Variants in JAK1 observed in about 807,000 individuals in gnomAD.
JAK1 encodes tyrosine-protein kinase JAK1.
A neutral mutation model predicts 136.6 loss-of-function variants in JAK1; 16 were observed. The observed-to-expected ratio is 0.12, with a 90% CI of 0.08 to 0.18. The LOEUF (loss-of-function observed/expected upper bound fraction) is 0.18, where lower values mean the gene tolerates loss of function less well. JAK1 is among the 10% of genes least tolerant of loss of function. The pLI, the probability that JAK1 is intolerant of heterozygous loss-of-function variation, is 1.00. For synonymous variants in JAK1, 492 were observed against 519.5 expected (o/e 0.95, Z 0.72); for missense variants, 859 against 1,450.1 (o/e 0.59, Z 6.62).
intron 2 of JAK1, among the ~76,000 whole-genome samples, chr1:64,978,686 A>G (rs931733862): frequency 6.6e-6 from 1 of 152,178 alleles, no homozygotes; most frequent in Non-Finnish European, 1.5e-5. Context: ...GGGCTGACTT[A>G]CTAGCCGTAA....
intron 2 of JAK1, among the ~76,000 whole-genome samples, chr1:64,999,993 G>GTTTT (rs370410704): frequency 7.1e-6 from 1 of 141,586 alleles, no homozygotes; most frequent in African/African-American, 2.6e-5. Context: ...AGAATCATAA[G>GTTTT]TTTTTTTTTT....
intron 2 of JAK1, among the ~76,000 whole-genome samples, chr1:65,031,423 T>C (rs532394061): frequency 6.8e-4 from 103 of 152,238 alleles, no homozygotes; most frequent in African/African-American, 2.0e-3. Context: ...CCCTGTACTT[T>C]TTAAAAAATT....
intron 1 of JAK1, among the ~76,000 whole-genome samples, chr1:64,945,481 G>A (rs889654498): frequency 3.3e-5 from 5 of 151,930 alleles, no homozygotes; most frequent in South Asian, 2.1e-4. Flanking sequence ...CTATTCACAC[G>A]AGAAAATACT....
At chr1:65,018,868 G>A (rs1280902552) in intron 2 of JAK1, among the ~76,000 whole-genome samples, 4 of 152,052 alleles carry the variant, frequency 2.6e-5, no homozygotes, top group Admixed American at 1.3e-4. Flanking sequence ...AAAATTAGCC[G>A]GGCGTGGTGG....
At position 64,838,580 on chromosome 1, in the gene JAK1, C is replaced by T. The variant is rs1448823015; in HGVS notation, c.2852G>A (p.Gly951Asp). The T allele has an allele frequency of 1.2e-6, 2 of 1,613,608 alleles. No homozygotes were observed. The highest frequency in any genetic ancestry group is 2.7e-5 in the African/African-American group (2 of 74,912). Residue 951 changes from glycine to aspartate, a missense_variant, in exon 21 of 25, where the codon GGT (glycine) becomes GAT (aspartate). Gly to Asp is a moderately conservative substitution (Grantham distance 94, BLOSUM62 -1). Coordinates refer to ENST00000342505, the MANE Select transcript of JAK1 (RefSeq NM_002227.4). Reference sequence around the variant, plus strand: ...CAGAAATTCCATGATGAGCTTAATACCATTTCCTCCTGTTTAGAAAAAACA... The same window carrying T: ...CAGAAATTCCATGATGAGCTTAATATCATTTCCTCCTGTTTAGAAAAAACA... The part of the protein sequence containing the change: ...KGICTEDGGN[G>D]IKLIMEFLPS...
intron 2 of JAK1, among the ~76,000 whole-genome samples, chr1:65,008,057 T>C (rs978128657): frequency 3.3e-5 from 5 of 152,230 alleles, no homozygotes; most frequent in Admixed American, 2.6e-4. Flanking sequence ...TTATTTCTTA[T>C]TTCTAAGTTC....
chr1:64,977,620 C>G (rs777825315), intron 2 of JAK1, among the ~76,000 whole-genome samples: 5 of 151,848 alleles, frequency 3.3e-5, no homozygotes, highest in Non-Finnish European at 5.9e-5. Flanking sequence ...TTAATAGAGA[C>G]GGGGGTTTCA....
upstream of JAK1, among the ~76,000 whole-genome samples, chr1:64,970,090 G>A (rs1225193460): frequency 7.9e-6 from 1 of 126,718 alleles, no homozygotes; most frequent in African/African-American, 3.0e-5. Context: ...AGCTAGTATG[G>A]TGCCACTGCA....
intron 2 of JAK1, among the ~76,000 whole-genome samples, chr1:64,972,028 C>CA (rs1009685085): frequency 2.3e-4 from 34 of 150,464 alleles, no homozygotes; most frequent in African/African-American, 7.1e-4. Context: ...GACCTTGTCT[C>CA]AAAAAAAAGA....
intron 1 of JAK1, among the ~76,000 whole-genome samples, chr1:65,055,094 C>A (rs1319517963): frequency 2.0e-5 from 3 of 152,084 alleles, no homozygotes; most frequent in Non-Finnish European, 4.4e-5. Flanking sequence ...TGTGCAACTG[C>A]CATCATCCAT....
intron 2 of JAK1, chr1:64,985,594 C>T: frequency 1.0e-6 from 1 of 976,594 alleles, no homozygotes; most frequent in Non-Finnish European, 1.6e-6. Flanking sequence ...ATCTGGGCCA[C>T]CAGAATTCCA....
At chr1:64,884,005 C>G (rs1382258197) in intron 2 of JAK1, among the ~76,000 whole-genome samples, 1 of 152,106 alleles carries the variant, frequency 6.6e-6, no homozygotes, top group East Asian at 1.9e-4. Context: ...TTCACATCCC[C>G]ACCTGAGACA....
rs146280275 is a variant in JAK1, at chr1:64,986,209, G to T, written c.-78+58271C>A. On this transcript the variant is annotated intron_variant, in intron 2 of 25. Transcript: ENST00000671954. ...CAACCTCTGCCTCCCGGGTTCAGGCGATTCTCCTGCCTCAGCCTCCCAAAT... is the reference window on the plus strand; with the variant it reads ...CAACCTCTGCCTCCCGGGTTCAGGCTATTCTCCTGCCTCAGCCTCCCAAAT... The T allele has an allele frequency of 8.1e-6, 3 of 370,812 alleles. No homozygotes were observed. In the Admixed American group the frequency reaches 1.1e-4, roughly 14 times the overall value. 23.0% of individuals were successfully genotyped at this position (370,812 alleles called of 1,614,324 possible).
At chr1:65,066,438 G>A (rs1464734303) in intron 1 of JAK1, among the ~76,000 whole-genome samples, 1 of 152,154 alleles carries the variant, frequency 6.6e-6, no homozygotes, top group Non-Finnish European at 1.5e-5. Context: ...CCGGGGAGAA[G>A]CGGGAAAACA....
Position 64,864,976 on chromosome 1 carries a change from A to G in JAK1, c.991-4T>C, listed in dbSNP as rs140703760. On this transcript the variant is annotated splice_region_variant and splice_polypyrimidine_tract_variant and intron_variant, in intron 7 of 24. Transcript: ENST00000342505. ...TTTCCTTTTCAACAGAAACAACCTG[A>G]TAAGATACATAAAAGGGACAGGGTT... 740 of 1,606,606 alleles carry G rather than the reference A, an allele frequency of 4.6e-4. 9 individuals are homozygous for G. The Admixed American group carries it at 9.8e-3, about 21-fold the overall frequency.
chr1:64,893,108 T>A, intron 1 of JAK1, among the ~76,000 whole-genome samples: 1 of 150,488 alleles, frequency 6.6e-6, no homozygotes, highest in Admixed American at 6.6e-5. Flanking sequence ...TGGAGAAGAC[T>A]GAAAAAGAGA....
intron 1 of JAK1, chr1:64,942,224 T>C (rs542254281): frequency 1.3e-5 from 2 of 152,278 alleles, no homozygotes; most frequent in South Asian, 2.1e-4. Flanking sequence ...GATATACATA[T>C]ACTTCGTGTG....
intron 2 of JAK1, among the ~76,000 whole-genome samples, chr1:64,999,832 G>A (rs1410509156): frequency 1.3e-5 from 2 of 151,758 alleles, no homozygotes; most frequent in African/African-American, 2.4e-5. Flanking sequence ...AGTATCTACG[G>A]CACCTTGAAC....
Position 64,834,098 on chromosome 1 carries a change from A to G in JAK1, c.*464T>C, listed in dbSNP as rs1654316443. On this transcript the variant is annotated 3_prime_UTR_variant, in exon 25 of 25. Coordinates refer to ENST00000342505, the MANE Select transcript of JAK1 (RefSeq NM_002227.4). ...TGGTCTAGTACTGTATAGATACTGA[A>G]ATTTGAGGGCTAAGTCCATCAATCT... 2 of 245,356 alleles carry G rather than the reference A, an allele frequency of 8.2e-6. No individual in the cohort carries two copies. The highest frequency in any genetic ancestry group is 2.8e-4 in the South Asian group (2 of 7,076). The allele number at this position is 245,356 out of a possible 1,614,324, so 15.2% of individuals were successfully genotyped here. A position where few individuals can be genotyped will look rare whatever the true frequency, so the allele number is the denominator to read the frequency against.
Sources: gnomAD v4.1 joint callset for allele counts (sites outside exome capture counted in the v4.1 genomes callset) on GRCh38, gnomAD v4.1.1 for gene constraint, MANE v1.5 for transcripts, NCBI Gene and HGNC (gene_info 2026-07-23, HGNC 2026-07-21) for gene names.